CNTNAP2: variants seen among roughly 807,000 people sequenced by gnomAD.
CNTNAP2 encodes the protein contactin-associated protein-like 2.
A neutral mutation model predicts 155.2 loss-of-function variants in CNTNAP2; 98 were observed. The ratio of observed to expected loss-of-function variants is 0.63; its 90% CI spans 0.54 to 0.75. CNTNAP2 has a LOEUF of 0.75. Among genes scored for constraint, CNTNAP2 ranks in the 30% least tolerant of loss-of-function variants. CNTNAP2 has a pLI of 0.00. For missense variants in CNTNAP2, 1,727 were observed against 1,688.1 expected, an observed-to-expected ratio of 1.02 and a Z score of -0.40; for synonymous variants, 651 against 631.2, an observed-to-expected ratio of 1.03 and a Z score of -0.47.
chr7:146,670,471 CA>C (rs59573755), intron 1 of CNTNAP2, among the ~76,000 whole-genome samples: 122,806 of 151,754 alleles, frequency 0.81, 50,279 homozygotes, highest in South Asian at 0.91. Flanking sequence ...CGAACTCTAG[CA>C]AAAAAAAAGT....
chr7:146,173,454 T>TC (rs1798423978), intron 1 of CNTNAP2, among the ~76,000 whole-genome samples: 1 of 151,442 alleles, frequency 6.6e-6, no homozygotes, highest in Non-Finnish European at 1.5e-5. Flanking sequence ...CCCCCTCACC[T>TC]CCCCCCACAA....
chr7:147,440,056 A>G (rs2116545635), intron 10 of CNTNAP2, among the ~76,000 whole-genome samples: 1 of 152,074 alleles, frequency 6.6e-6, no homozygotes, highest in South Asian at 2.1e-4. Context: ...TAGTACATTT[A>G]TATTCAATGT....
intron 3 of CNTNAP2, among the ~76,000 whole-genome samples, chr7:146,985,308 A>AATTTTT (rs1183369135): frequency 7.8e-6 from 1 of 127,826 alleles, no homozygotes; most frequent in Non-Finnish European, 1.6e-5. Context: ...AAATGCTTGA[A>AATTTTT]TTTTTTTTTT....
chr7:147,016,338 A>C (rs1798722728), intron 3 of CNTNAP2, among the ~76,000 whole-genome samples: 1 of 152,088 alleles, frequency 6.6e-6, no homozygotes, highest in Non-Finnish European at 1.5e-5. Context: ...CATGACAGGA[A>C]ATCTCAAACG....
At chr7:147,490,525 T>C (rs1798588373) in intron 11 of CNTNAP2, among the ~76,000 whole-genome samples, 1 of 152,192 alleles carries the variant, frequency 6.6e-6, no homozygotes, top group Admixed American at 6.5e-5. Context: ...ATTCAAAGAA[T>C]AATTTTCAAA....
chr7:147,116,654 C>T (rs1800996388), intron 5 of CNTNAP2, among the ~76,000 whole-genome samples: 1 of 152,154 alleles, frequency 6.6e-6, no homozygotes, highest in Admixed American at 6.5e-5. Flanking sequence ...TCTCCAAAGC[C>T]CACAGGCTGT....
At chr7:147,519,672 G>A (rs938154481) in intron 11 of CNTNAP2, among the ~76,000 whole-genome samples, 3 of 152,184 alleles carry the variant, frequency 2.0e-5, no homozygotes, top group Admixed American at 6.5e-5. Context: ...AGACCAGCCT[G>A]GCCAACGGGG....
chr7:147,990,483 G>T (rs1391102448), intron 15 of CNTNAP2, among the ~76,000 whole-genome samples: 1 of 152,074 alleles, frequency 6.6e-6, no homozygotes, highest in Non-Finnish European at 1.5e-5. Flanking sequence ...AAATGTCTCT[G>T]GTTGGAGGGG....
At chr7:147,337,241 G>A (rs1795679636) in intron 9 of CNTNAP2, among the ~76,000 whole-genome samples, 1 of 152,080 alleles carries the variant, frequency 6.6e-6, no homozygotes, top group Non-Finnish European at 1.5e-5. Flanking sequence ...CTAAGGCACA[G>A]GAAAACTGCC....
chr7:147,711,332 G>A (rs1429851384), intron 13 of CNTNAP2, among the ~76,000 whole-genome samples: 1 of 152,124 alleles, frequency 6.6e-6, no homozygotes, highest in African/African-American at 2.4e-5. Flanking sequence ...AAGACCATAA[G>A]CTAAGACCAT....
intron 2 of CNTNAP2, among the ~76,000 whole-genome samples, chr7:146,787,240 G>A (rs893212964): frequency 6.6e-6 from 1 of 152,166 alleles, no homozygotes; most frequent in Non-Finnish European, 1.5e-5. Context: ...ACGTGCTTCT[G>A]AGGTGTACAG....
chr7:147,612,325 T>C (rs1174022079), intron 12 of CNTNAP2, among the ~76,000 whole-genome samples: 1 of 152,144 alleles, frequency 6.6e-6, no homozygotes, highest in African/African-American at 2.4e-5. Flanking sequence ...ATATGGAATA[T>C]TTCATGTTTG....
At chr7:147,752,148 G>A (rs927101876) in intron 13 of CNTNAP2, among the ~76,000 whole-genome samples, 1 of 152,094 alleles carries the variant, frequency 6.6e-6, no homozygotes, top group Non-Finnish European at 1.5e-5. Flanking sequence ...CTCTACAATC[G>A]GTTTCTTTGA....
At chr7:147,948,529 C>G (rs1585043719) in intron 14 of CNTNAP2, among the ~76,000 whole-genome samples, 1 of 146,310 alleles carries the variant, frequency 6.8e-6, no homozygotes, top group Non-Finnish European at 1.5e-5. Flanking sequence ...AAAAAAAAAG[C>G]CCCATTTTGC....
intron 16 of CNTNAP2, among the ~76,000 whole-genome samples, chr7:148,135,951 C>G (rs1351013094): frequency 8.9e-6 from 1 of 112,098 alleles, no homozygotes; most frequent in South Asian, 3.5e-4. Context: ...AGGAAGGAAA[C>G]AAACCACATT....
At position 147,878,073 on chromosome 7, in the gene CNTNAP2, A is replaced by G. The variant is rs1237376510; in HGVS notation, c.2099-25492A>G. On this transcript the variant is annotated intron_variant, in intron 13 of 23. Transcript: ENST00000361727. ...GAGTATGCTGATGGTTTTTGCAGCTATGGTAGTAACATTTTTCCAGCCATC... is the reference window on the plus strand; with the variant it reads ...GAGTATGCTGATGGTTTTTGCAGCTGTGGTAGTAACATTTTTCCAGCCATC... Among the ~76,000 whole-genome samples, 3 of 152,000 alleles carry G rather than the reference A, an allele frequency of 2.0e-5. No individual in the cohort carries two copies. In the East Asian group the frequency reaches 5.8e-4, roughly 29 times the overall value.
At chr7:148,055,022 A>G (rs966896645) in intron 15 of CNTNAP2, among the ~76,000 whole-genome samples, 2 of 151,926 alleles carry the variant, frequency 1.3e-5, no homozygotes, top group Non-Finnish European at 2.9e-5. Context: ...AGCTGGGATT[A>G]CAAGTGGACA....
At chr7:147,028,103 G>A (rs1304664830) in intron 3 of CNTNAP2, among the ~76,000 whole-genome samples, 1 of 152,150 alleles carries the variant, frequency 6.6e-6, no homozygotes, top group Non-Finnish European at 1.5e-5. Context: ...AAAGTCAGCC[G>A]TTCTTGTCCA....
rs573079780 is a variant in CNTNAP2 at position 146,269,077 on chromosome 7, C to A, written c.97+152104C>A. 2.6e-5 allele frequency among the ~76,000 whole-genome samples: 4 copies of A among 152,292 alleles called. No individual in the cohort carries two copies. In the South Asian group the frequency reaches 8.3e-4, roughly 32 times the overall value. The stretch of plus-strand genomic sequence containing the variant: ...AGAGGGTGGGCCAGGTGGGGTGGCT[C>A]ACGCCTGTAATCCCAGAACTTTGGG... On this transcript the variant is annotated intron_variant, in intron 1 of 23. Coordinates refer to ENST00000361727, the MANE Select transcript of CNTNAP2 (RefSeq NM_014141.6).
Sources: allele counts gnomAD v4.1 joint callset (sites outside exome capture counted in the v4.1 genomes callset), GRCh38; gene constraint gnomAD v4.1.1; transcripts MANE v1.5; gene names NCBI Gene and HGNC (gene_info 2026-07-23, HGNC 2026-07-21).